Variants in CRACD observed in about 807,000 individuals in gnomAD.
CRACD encodes the protein capping protein inhibiting regulator of actin dynamics.
Under a neutral mutation model 106.8 loss-of-function variants are expected in CRACD, and 56 were observed. The ratio of observed to expected loss-of-function variants is 0.52; its 90% CI spans 0.42 to 0.66. The LOEUF is 0.66. Ranked by LOEUF, CRACD falls within the 30% of genes least tolerant of loss-of-function variation. The pLI, the probability that CRACD is intolerant of heterozygous loss-of-function variation, is 0.00. For missense variants in CRACD, 1,730 were observed against 1,623.2 expected (o/e 1.07, Z -1.13); for synonymous variants, 754 against 670.8 (o/e 1.12, Z -1.92).
Position 56,254,734 on chromosome 4 carries a change from G to C in CRACD, c.-188-17587G>C, listed in dbSNP as rs191581974. Among the ~76,000 whole-genome samples, 3 of 151,894 alleles carry C rather than the reference G, an allele frequency of 2.0e-5. No individual in the cohort carries two copies. The East Asian group carries it at 5.8e-4, about 29-fold the overall frequency. On this transcript the variant is annotated intron_variant, in intron 2 of 10. Coordinates refer to ENST00000682029, the MANE Select transcript of CRACD (RefSeq NM_001393381.1). Reference sequence around the variant, plus strand: ...TCTCTAAGAGCTTTTACATACTCCAGCATGGTTTGAGAATTTGACTTTAAA... The same window carrying C: ...TCTCTAAGAGCTTTTACATACTCCACCATGGTTTGAGAATTTGACTTTAAA...
chr4:56,323,730 G>T (rs1283410996), intron 9 of CRACD, among the ~76,000 whole-genome samples, 163 bp downstream of exon 9: 1 of 152,204 alleles, frequency 6.6e-6, no homozygotes, highest in Non-Finnish European at 1.5e-5. Flanking sequence ...AGCGTTTTCA[G>T]TGTGAAACTG....
chr4:56,070,432 T>A (rs1472900686), intron 1 of CRACD, among the ~76,000 whole-genome samples: 1 of 152,154 alleles, frequency 6.6e-6, no homozygotes, highest in African/African-American at 2.4e-5. Context: ...CCCGAGTAGC[T>A]GGGACTACAG....
intron 1 of CRACD, among the ~76,000 whole-genome samples, chr4:56,165,760 G>A (rs1190886279): frequency 6.6e-6 from 1 of 152,156 alleles, no homozygotes; most frequent in East Asian, 1.9e-4. Flanking sequence ...ACAGAAAAAT[G>A]TTTACCTTAC....
At chr4:56,245,437 A>C (rs1257492762) in intron 2 of CRACD, among the ~76,000 whole-genome samples, 4 of 152,200 alleles carry the variant, frequency 2.6e-5, no homozygotes, top group Admixed American at 1.3e-4. Flanking sequence ...AACAACAATA[A>C]CCGAAAGCAA....
chr4:56,173,747 A>G (rs1219380582), intron 1 of CRACD, among the ~76,000 whole-genome samples: 3 of 152,206 alleles, frequency 2.0e-5, no homozygotes, highest in African/African-American at 7.2e-5. Flanking sequence ...CAGAAGTGGA[A>G]TTGCTAGATA....
At chr4:56,136,699 T>C (rs962789103) in intron 1 of CRACD, among the ~76,000 whole-genome samples, 8 of 152,208 alleles carry the variant, frequency 5.3e-5, no homozygotes, top group African/African-American at 1.9e-4. Flanking sequence ...TCTCCCACCT[T>C]CTGGCTTGCC....
In CRACD at chr4:56,315,052, G is replaced by A. The variant is rs1365781651; in HGVS notation, c.1550G>A (p.Arg517His). 6.2e-7 allele frequency: 1 copy of A among 1,607,058 alleles called. No individual in the cohort carries two copies. Among genetic ancestry groups the A allele is most frequent in the Non-Finnish European group, 8.5e-7 (1 of 1,177,724 alleles). Residue 517 changes from arginine to histidine, a missense_variant, in exon 8 of 11, where the codon CGC (arginine) becomes CAC (histidine). Around this residue, in one of 5 missense-constraint regions of CRACD, gnomAD observed 1,620 missense variants for 1,481.6 expected, o/e 1.09. Transcript: ENST00000682029. This position sits in a 1 kb window ranked among gnomAD's most constrained non-coding sequence, Gnocchi z 4.1. ...RKEAAALEQG[R>H]KVEELRWQEV... ...GAAGCCGCCGCCCTTGAACAAGGCCGCAAGGTGGAGGAGCTGCGGTGGCAG... is the reference window on the plus strand; with the variant it reads ...GAAGCCGCCGCCCTTGAACAAGGCCACAAGGTGGAGGAGCTGCGGTGGCAG...
At chr4:56,318,877 A>C (rs1323069664) in intron 8 of CRACD, among the ~76,000 whole-genome samples, 1 of 152,244 alleles carries the variant, frequency 6.6e-6, no homozygotes, top group African/African-American at 2.4e-5. Context: ...AGCACCAGCT[A>C]TACTTACACT....
chr4:56,226,020 T>C (rs535792700), intron 2 of CRACD, among the ~76,000 whole-genome samples: 3 of 152,314 alleles, frequency 2.0e-5, no homozygotes, highest in Non-Finnish European at 4.4e-5. Context: ...GCAATGAATG[T>C]GTGAATGGAA....
chr4:56,223,692 G>A (rs1739162653), intron 2 of CRACD, among the ~76,000 whole-genome samples: 2 of 152,166 alleles, frequency 1.3e-5, no homozygotes, highest in Admixed American at 1.3e-4. Context: ...TGGGCCTTCT[G>A]TTCTATTCCA....
intron 4 of CRACD, 53 bp downstream of exon 4, chr4:56,298,402 A>C: frequency 6.2e-7 from 1 of 1,601,904 alleles, no homozygotes; most frequent in East Asian, 2.2e-5. Flanking sequence ...CCAGTTATGA[A>C]GGGAAGTGGG....
At chr4:56,230,363 T>A (rs1252169863) in intron 2 of CRACD, among the ~76,000 whole-genome samples, 3 of 152,168 alleles carry the variant, frequency 2.0e-5, no homozygotes, top group Non-Finnish European at 4.4e-5. Context: ...CTTTTCAAGT[T>A]GAAAAGCAGG....
At chr4:56,157,214 T>A (rs538215372) in intron 1 of CRACD, among the ~76,000 whole-genome samples, 2 of 152,316 alleles carry the variant, frequency 1.3e-5, no homozygotes, top group East Asian at 3.9e-4. Context: ...GGGCCTGTAA[T>A]CCCAGCACTT....
At chr4:56,156,886 T>C (rs1409731605) in intron 1 of CRACD, among the ~76,000 whole-genome samples, 1 of 152,256 alleles carries the variant, frequency 6.6e-6, no homozygotes, top group Non-Finnish European at 1.5e-5. Context: ...ACCTTCTGCC[T>C]GTACCTATTA....
intron 3 of CRACD, among the ~76,000 whole-genome samples, chr4:56,276,734 C>T (rs1194796667): frequency 6.6e-6 from 1 of 152,202 alleles, no homozygotes; most frequent in Non-Finnish European, 1.5e-5. Flanking sequence ...ACTCATATGG[C>T]CCTGAATCAT....
chr4:56,070,847 C>CTGTG (rs60372588), intron 1 of CRACD, among the ~76,000 whole-genome samples: 24,175 of 120,172 alleles, frequency 0.2, 2,945 homozygotes, highest in East Asian at 0.33. Context: ...AGGGGCTATG[C>CTGTG]TGTGTGTGTG....
At chr4:56,118,828 C>T (rs143206238) in intron 1 of CRACD, among the ~76,000 whole-genome samples, 246 of 152,278 alleles carry the variant, frequency 1.6e-3, no homozygotes, top group African/African-American at 5.2e-3. Context: ...AGTTTTCCTT[C>T]TGTGCAGTAA....
intron 1 of CRACD, among the ~76,000 whole-genome samples, chr4:56,176,063 C>T (rs1366267976): frequency 6.6e-6 from 1 of 152,034 alleles, no homozygotes; most frequent in Non-Finnish European, 1.5e-5. Context: ...GTTCTTGGTG[C>T]CTTTGTTGAA....
intron 3 of CRACD, 65 bp from the exon 4 acceptor site, chr4:56,298,149 T>A: frequency 6.5e-7 from 1 of 1,542,016 alleles, no homozygotes; most frequent in Middle Eastern, 1.7e-4. Context: ...TCAGGAATAA[T>A]GGAAAACTGA....
Sources: gnomAD v4.1 joint callset for allele counts (sites outside exome capture counted in the v4.1 genomes callset) on GRCh38, gnomAD v4.1.1 for gene constraint, gnomAD v4.1.1 regional missense constraint, Gnocchi (gnomAD v3.1) non-coding constraint, MANE v1.5 for transcripts, NCBI Gene and HGNC (gene_info 2026-07-23, HGNC 2026-07-21) for gene names.